Variants in SEMA6D observed in about 807,000 individuals in gnomAD.
The protein encoded by SEMA6D is semaphorin-6D.
In SEMA6D, 35 loss-of-function variants were observed where a neutral mutation model predicts 106.6. The ratio of observed to expected loss-of-function variants is 0.33; its 90% CI spans 0.25 to 0.44. The LOEUF is 0.44. Ranked by LOEUF, SEMA6D falls within the 20% of genes least tolerant of loss-of-function variation. SEMA6D has a pLI of 1.00. For synonymous variants in SEMA6D, 499 were observed against 487.7 expected, an observed-to-expected ratio of 1.02 and a Z score of -0.31; for missense variants, 1,185 against 1,345.9, an observed-to-expected ratio of 0.88 and a Z score of 1.87.
At chr15:47,548,377 TC>T (rs879390440) in intron 3 of SEMA6D, among the ~76,000 whole-genome samples, 1 of 152,064 alleles carries the variant, frequency 6.6e-6, no homozygotes, top group Non-Finnish European at 1.5e-5. Flanking sequence ...CAGAAACACC[TC>T]CCCCTGGAAC....
At chr15:47,601,120 G>GAGAGAGAGAGAGAGAAAA (rs996884186) in intron 4 of SEMA6D, among the ~76,000 whole-genome samples, 3 of 149,930 alleles carry the variant, frequency 2.0e-5, no homozygotes, top group Non-Finnish European at 4.4e-5. Context: ...GAGAGAGAAA[G>GAGAGAGAGAGAGAGAAAA]AGAGAGAGAG....
intron 4 of SEMA6D, among the ~76,000 whole-genome samples, chr15:47,602,128 G>A (rs1247566798): frequency 6.6e-6 from 1 of 152,126 alleles, no homozygotes; most frequent in African/African-American, 2.4e-5. Flanking sequence ...TCACAAACCT[G>A]CTTTAGAGGA....
At chr15:47,277,899 G>A (rs1032418321) in intron 1 of SEMA6D, among the ~76,000 whole-genome samples, 1 of 151,002 alleles carries the variant, frequency 6.6e-6, no homozygotes, top group African/African-American at 2.4e-5. Flanking sequence ...TACTGAGAAT[G>A]ATGATTTCCA....
chr15:47,618,648 AC>A (rs2077047658), intron 4 of SEMA6D, among the ~76,000 whole-genome samples: 1 of 152,134 alleles, frequency 6.6e-6, no homozygotes, highest in South Asian at 2.1e-4. Context: ...TTCACGTTTG[AC>A]CTTTGCCACC....
intron 4 of SEMA6D, among the ~76,000 whole-genome samples, chr15:47,613,848 A>G (rs185979078): frequency 3.6e-4 from 54 of 151,928 alleles, no homozygotes; most frequent in Admixed American, 1.2e-3. Context: ...TTTAGTAGAG[A>G]TGGGGTTTCA....
intron 1 of SEMA6D, among the ~76,000 whole-genome samples, chr15:47,209,573 C>T (rs987541351): frequency 1.3e-5 from 2 of 152,182 alleles, no homozygotes; most frequent in Non-Finnish European, 2.9e-5. Context: ...TACGCTGTAA[C>T]ATATTCCACT....
intron 1 of SEMA6D, among the ~76,000 whole-genome samples, chr15:47,212,276 C>T (rs952831397): frequency 2.0e-5 from 3 of 152,202 alleles, no homozygotes; most frequent in African/African-American, 7.2e-5. Flanking sequence ...CATCTCTTCA[C>T]TGACTGCTAT....
intron 1 of SEMA6D, among the ~76,000 whole-genome samples, chr15:47,242,026 T>C (rs1363225013): frequency 6.6e-6 from 1 of 152,118 alleles, no homozygotes; most frequent in African/African-American, 2.4e-5. Context: ...CCAGTTTTGC[T>C]ATTTAGAACT....
chr15:47,758,912 T>G (rs2081915003), intron 1 of SEMA6D, among the ~76,000 whole-genome samples: 1 of 152,196 alleles, frequency 6.6e-6, no homozygotes, highest in Admixed American at 6.5e-5. Context: ...GATTTTCATC[T>G]GAAAAATGAG....
At chr15:47,253,934 A>G (rs955477077) in intron 1 of SEMA6D, among the ~76,000 whole-genome samples, 1 of 152,126 alleles carries the variant, frequency 6.6e-6, no homozygotes, top group Admixed American at 6.5e-5. Flanking sequence ...TCTGTACATC[A>G]CTTTGGGTAG....
chr15:47,549,396 C>T (rs562538191), intron 3 of SEMA6D, among the ~76,000 whole-genome samples: 94 of 152,126 alleles, frequency 6.2e-4, no homozygotes, highest in Non-Finnish European at 9.8e-4. Flanking sequence ...AAGTTCCTCA[C>T]GGTAGCCTTG....
chr15:47,516,375 A>G (rs574091869), intron 3 of SEMA6D, among the ~76,000 whole-genome samples: 2 of 152,334 alleles, frequency 1.3e-5, no homozygotes, highest in East Asian at 3.9e-4. Flanking sequence ...ATTTGCTCCC[A>G]AAAGATCATG....
intron 1 of SEMA6D, among the ~76,000 whole-genome samples, chr15:47,306,938 G>A (rs777776579): frequency 5.9e-5 from 9 of 152,114 alleles, no homozygotes; most frequent in East Asian, 1.9e-4. Context: ...ATATATGTGC[G>A]TATGCCACTT....
intron 4 of SEMA6D, among the ~76,000 whole-genome samples, chr15:47,707,923 C>T (rs1345138476): frequency 6.6e-6 from 1 of 152,104 alleles, no homozygotes; most frequent in African/African-American, 2.4e-5. Flanking sequence ...TTAAATTTGG[C>T]CAGACTAAGA....
intron 4 of SEMA6D, among the ~76,000 whole-genome samples, chr15:47,613,811 C>A (rs1423690445): frequency 2.0e-5 from 3 of 152,076 alleles, no homozygotes; most frequent in East Asian, 1.9e-4. Context: ...CCCGCCACCA[C>A]GCCCAGCTAA....
intron 1 of SEMA6D, among the ~76,000 whole-genome samples, chr15:47,312,532 A>G (rs1439268997): frequency 6.6e-6 from 1 of 152,122 alleles, no homozygotes; most frequent in East Asian, 1.9e-4. Flanking sequence ...ACCTCCAGAC[A>G]TGTGCCTGGA....
chr15:47,306,872 A>G (rs1161347144), intron 1 of SEMA6D, among the ~76,000 whole-genome samples: 1 of 152,218 alleles, frequency 6.6e-6, no homozygotes, highest in African/African-American at 2.4e-5. Flanking sequence ...TCTTCAACTC[A>G]ATATAGGTAT....
At chr15:47,759,585 T>G (rs1424318568) in intron 1 of SEMA6D, 160 bp from the exon 2 acceptor site, 1 of 575,926 alleles carries the variant, frequency 1.7e-6, no homozygotes, top group Non-Finnish European at 3.1e-6. Flanking sequence ...TGTTGCCATC[T>G]TTTGCCTGTG....
Position 47,325,464 on chromosome 15 carries a change from G to A in SEMA6D, c.-238-86929G>A, listed in dbSNP as rs1193023059. The stretch of plus-strand genomic sequence containing the variant: ...TGGGATTACAGGCGTGAGCCACCGC[G>A]CCCGGCAGGGTGAAGCGTTTTAGAT... On this transcript the variant is annotated intron_variant, in intron 1 of 19. Transcript: ENST00000558014. Among the ~76,000 whole-genome samples, 3 of 151,296 alleles carry A rather than the reference G, an allele frequency of 2.0e-5. No homozygotes were observed. In the East Asian group the frequency reaches 6.0e-4, roughly 30 times the overall value.
Sources: allele counts gnomAD v4.1 joint callset (sites outside exome capture counted in the v4.1 genomes callset), GRCh38; gene constraint gnomAD v4.1.1; transcripts MANE v1.5; gene names NCBI Gene and HGNC (gene_info 2026-07-23, HGNC 2026-07-21).